ARID1B: variants seen among roughly 807,000 people sequenced by gnomAD.
ARID1B encodes the protein AT-rich interactive domain-containing protein 1B.
In ARID1B, 30 loss-of-function variants were observed where a neutral mutation model predicts 212.3. The observed-to-expected ratio is 0.14, with a 90% CI of 0.11 to 0.19. The LOEUF is 0.19. Among genes scored for constraint, ARID1B ranks in the 10% least tolerant of loss-of-function variants. The probability of loss-of-function intolerance (pLI) is 1.00; values close to 1 mark genes in which losing one functional copy is unlikely to be tolerated. For missense variants in ARID1B, 2,891 were observed against 3,204.0 expected, an observed-to-expected ratio of 0.90 and a Z score of 2.36; for synonymous variants, 1,402 against 1,301.7, an observed-to-expected ratio of 1.08 and a Z score of -1.66.
At chr6:156,950,425 G>GA (rs527935807) in intron 4 of ARID1B, among the ~76,000 whole-genome samples, 162 of 152,302 alleles carry the variant, frequency 1.1e-3, no homozygotes, top group African/African-American at 3.7e-3. Context: ...ACTTAATGTT[G>GA]AAACTTTATT....
At chr6:156,970,663 T>C (rs1038853866) in intron 4 of ARID1B, among the ~76,000 whole-genome samples, 1 of 152,244 alleles carries the variant, frequency 6.6e-6, no homozygotes, top group African/African-American at 2.4e-5. Context: ...AGCAACTGTC[T>C]GTGGGTCATT....
chr6:156,848,110 T>A (rs541235054), intron 2 of ARID1B, among the ~76,000 whole-genome samples: 10 of 152,366 alleles, frequency 6.6e-5, no homozygotes, highest in African/African-American at 2.4e-4. Context: ...CAGTGTAATT[T>A]TTAACAATAA....
In ARID1B at chr6:157,201,517, A is replaced by G. The variant is rs1358305785; in HGVS notation, c.5263+29A>G. 6.7e-7 allele frequency: 1 copy of G among 1,492,376 alleles called. No homozygotes were observed. The highest frequency in any genetic ancestry group is 2.3e-5 in the East Asian group (1 of 42,988). The allele number at this position is 1,492,376 out of a possible 1,614,324, so 92.4% of individuals were successfully genotyped here. On this transcript the variant is annotated intron_variant, in intron 18 of 19. Transcript: ENST00000636930. This position sits in a 1 kb window ranked among gnomAD's most constrained non-coding sequence, Gnocchi z 5.2. ...AGAATTCCAAAGCTTTCATTCTGAA[A>G]TGAATTCCAGTTGCAGTGTAGAATT...
intron 1 of ARID1B, among the ~76,000 whole-genome samples, chr6:156,827,436 TCA>T (rs1481834684): frequency 7.9e-5 from 12 of 152,210 alleles, no homozygotes; most frequent in African/African-American, 2.2e-4. Flanking sequence ...GACCTCAGCC[TCA>T]CCTGCCTGCC....
chr6:157,011,504 A>C (rs1779606643), intron 4 of ARID1B, among the ~76,000 whole-genome samples: 1 of 152,212 alleles, frequency 6.6e-6, no homozygotes, highest in African/African-American at 2.4e-5. Flanking sequence ...GGGAATTTTT[A>C]TGGTGAAGTA....
In ARID1B at chr6:156,987,037, G is replaced by A. The variant is rs377430451; in HGVS notation, c.2247+51461G>A. The stretch of plus-strand genomic sequence containing the variant: ...TCTACAAAAATATAAAAAATTAGTC[G>A]GGTGTGATGGTGTGCCTGTCGTCGC... On this transcript the variant is annotated intron_variant, in intron 4 of 19. Transcript: ENST00000636930. 1.7e-4 allele frequency among the ~76,000 whole-genome samples: 26 copies of A among 151,988 alleles called. No homozygotes were observed. In the East Asian group the frequency reaches 2.5e-3, roughly 15 times the overall value.
At chr6:156,931,124 T>A (rs201842144) in intron 3 of ARID1B, among the ~76,000 whole-genome samples, 49 of 141,552 alleles carry the variant, frequency 3.5e-4, no homozygotes, top group Admixed American at 5.4e-4. Context: ...CGGGAGGCAG[T>A]GCTTGCAGGG....
rs117920357 is a variant in ARID1B, at chr6:156,982,356, G to C, written c.2247+46780G>C. On this transcript the variant is annotated intron_variant, in intron 4 of 19. Transcript: ENST00000636930. The stretch of plus-strand genomic sequence containing the variant: ...CATTGTGACGTTGCCCTTTCTTTCT[G>C]TGTGATCCTGGAAACTGTTAGGGTT... Among the ~76,000 whole-genome samples the C allele has an allele frequency of 7.7e-3, 1,166 of 150,770 alleles. 8 individuals carry two copies. Among genetic ancestry groups the C allele is most frequent in the Non-Finnish European group, 0.013 (896 of 67,864 alleles).
intron 1 of ARID1B, among the ~76,000 whole-genome samples, chr6:156,798,148 T>C: frequency 6.6e-6 from 1 of 152,248 alleles, no homozygotes; most frequent in East Asian, 1.9e-4. Flanking sequence ...TGTGTTGTTC[T>C]TTTGCTGGAA....
rs140431441 is a variant in ARID1B, at chr6:157,142,364, G to A, written c.2762-6260G>A. 4.8e-3 allele frequency among the ~76,000 whole-genome samples: 729 copies of A among 152,186 alleles called. 1 individual carries two copies. The highest frequency in any genetic ancestry group is 7.6e-3 in the Non-Finnish European group (515 of 68,010). On this transcript the variant is annotated intron_variant, in intron 7 of 19. Coordinates refer to ENST00000636930, the MANE Select transcript of ARID1B (RefSeq NM_001374828.1). ...GACAAAGCCGGGCACATTGGCTCAC[G>A]CCTGTAATCACAGCACTTTGGGAGG...
Position 156,832,402 on chromosome 6 carries a change from T to G in ARID1B, c.1986+2981T>G, listed in dbSNP as rs535797962. Among the ~76,000 whole-genome samples the G allele has an allele frequency of 2.0e-5, 3 of 152,258 alleles. No individual in the cohort carries two copies. In the South Asian group the frequency reaches 6.2e-4, roughly 31 times the overall value. On this transcript the variant is annotated intron_variant, in intron 2 of 19. Coordinates refer to ENST00000636930, the MANE Select transcript of ARID1B (RefSeq NM_001374828.1). Reference sequence around the variant, plus strand: ...GTTCTTCAGGGAAAAAGTTGAAAGATAATTATGACATTGAGTATTTATTGA... The same window carrying G: ...GTTCTTCAGGGAAAAAGTTGAAAGAGAATTATGACATTGAGTATTTATTGA...
intron 1 of ARID1B, among the ~76,000 whole-genome samples, chr6:156,794,980 T>G (rs1780257234): frequency 6.6e-6 from 1 of 152,078 alleles, no homozygotes. Context: ...GGCTGGAGGG[T>G]GGCATTGGGA....
chr6:156,894,592 C>CTATAT (rs1788236978), intron 2 of ARID1B, among the ~76,000 whole-genome samples: 1 of 152,148 alleles, frequency 6.6e-6, no homozygotes, highest in African/African-American at 2.4e-5. Context: ...GGGGAGTTTT[C>CTATAT]ACCACACTTG....
intron 4 of ARID1B, among the ~76,000 whole-genome samples, chr6:156,993,992 A>G (rs1161673274): frequency 6.6e-6 from 1 of 152,220 alleles, no homozygotes; most frequent in Non-Finnish European, 1.5e-5. Context: ...CACAGATGCC[A>G]TTGTACCATA....
At chr6:156,871,678 C>T in intron 2 of ARID1B, 1 of 1,608,820 alleles carries the variant, frequency 6.2e-7, no homozygotes, top group Non-Finnish European at 8.5e-7. Flanking sequence ...CATGCTCTTA[C>T]TTGCTCCAAG....
intron 4 of ARID1B, among the ~76,000 whole-genome samples, chr6:156,951,291 A>G (rs1055242191): frequency 2.0e-5 from 3 of 152,214 alleles, no homozygotes; most frequent in Admixed American, 2.0e-4. Context: ...AAATTCTTAA[A>G]AAAGTTTGAA....
At chr6:157,167,863 A>AC (rs1379579570) in intron 9 of ARID1B, 1 of 151,934 alleles carries the variant, frequency 6.6e-6, no homozygotes, top group Non-Finnish European at 1.5e-5. Flanking sequence ...AGACCCTTGA[A>AC]CCCCCTCCTC....
At position 157,025,535 on chromosome 6, in the gene ARID1B, C is replaced by T. The variant is rs919993832; in HGVS notation, c.2248-59127C>T. Reference sequence around the variant, plus strand: ...TTCTTTCTCTGTAGATTGGCCTTTTCCAGAATGTCATATGAATGGAATCAT... The same window carrying T: ...TTCTTTCTCTGTAGATTGGCCTTTTTCAGAATGTCATATGAATGGAATCAT... On this transcript the variant is annotated intron_variant, in intron 4 of 19. Transcript: ENST00000636930. Among the ~76,000 whole-genome samples the T allele has an allele frequency of 9.9e-5, 15 of 152,276 alleles. No individual in the cohort carries two copies. In the South Asian group the frequency reaches 3.1e-3, roughly 32 times the overall value.
chr6:157,181,428 G>A (rs1000816642), intron 12 of ARID1B, among the ~76,000 whole-genome samples: 4 of 152,120 alleles, frequency 2.6e-5, no homozygotes, highest in East Asian at 1.9e-4. Context: ...TGTATACAGC[G>A]GGCCAGACTA....
Sources: allele counts gnomAD v4.1 joint callset (sites outside exome capture counted in the v4.1 genomes callset), GRCh38; gene constraint gnomAD v4.1.1; non-coding constraint Gnocchi (gnomAD v3.1); transcripts MANE v1.5; gene names NCBI Gene and HGNC (gene_info 2026-07-23, HGNC 2026-07-21).